LCLAT1: variants seen among roughly 807,000 people sequenced by gnomAD.
LCLAT1 encodes 1-AGP acyltransferase 8.
A neutral mutation model predicts 30.7 loss-of-function variants in LCLAT1; 11 were observed. The observed-to-expected ratio is 0.36, with a 90% CI of 0.23 to 0.59. The LOEUF (loss-of-function observed/expected upper bound fraction) is 0.59. Among genes scored for constraint, LCLAT1 ranks in the 20% least tolerant of loss-of-function variants. LCLAT1 has a pLI of 0.77. For synonymous variants in LCLAT1, 155 were observed against 151.3 expected, an observed-to-expected ratio of 1.02 and a Z score of -0.18; for missense variants, 402 against 458.6, an observed-to-expected ratio of 0.88 and a Z score of 1.13.
chr2:30,618,146 C>T (rs938753996), intron 5 of LCLAT1, among the ~76,000 whole-genome samples: 2 of 152,134 alleles, frequency 1.3e-5, no homozygotes, highest in Non-Finnish European at 2.9e-5. Context: ...TCCTCCAGTA[C>T]AATATTGTCT....
At chr2:30,532,599 T>C (rs1051728262) in intron 2 of LCLAT1, among the ~76,000 whole-genome samples, 2 of 152,168 alleles carry the variant, frequency 1.3e-5, no homozygotes, top group Non-Finnish European at 2.9e-5. Context: ...AGGCTTGTAG[T>C]ATTTTAGTAG....
chr2:30,507,399 T>G (rs1197437095), intron 1 of LCLAT1, among the ~76,000 whole-genome samples: 1 of 152,198 alleles, frequency 6.6e-6, no homozygotes, highest in African/African-American at 2.4e-5. Context: ...CATGGGGGTT[T>G]GTTAAACAGA....
At chr2:30,631,225 T>C (rs1668754708) in intron 5 of LCLAT1, among the ~76,000 whole-genome samples, 1 of 152,206 alleles carries the variant, frequency 6.6e-6, no homozygotes, top group Non-Finnish European at 1.5e-5. Flanking sequence ...GGTTTTCTTG[T>C]GGCTTTCTGT....
At chr2:30,512,447 T>A (rs1364063313) in intron 1 of LCLAT1, among the ~76,000 whole-genome samples, 1 of 152,084 alleles carries the variant, frequency 6.6e-6, no homozygotes, top group African/African-American at 2.4e-5. Flanking sequence ...TTCTCTTATT[T>A]CCAGTTGGGT....
At chr2:30,628,976 G>T (rs1422953770) in intron 5 of LCLAT1, among the ~76,000 whole-genome samples, 2 of 152,124 alleles carry the variant, frequency 1.3e-5, no homozygotes, top group African/African-American at 2.4e-5. Context: ...GCAACACAGT[G>T]TACAGAGGAC....
At chr2:30,499,193 T>G (rs1476427945) in intron 1 of LCLAT1, among the ~76,000 whole-genome samples, 1 of 152,146 alleles carries the variant, frequency 6.6e-6, no homozygotes, top group Non-Finnish European at 1.5e-5. Context: ...TGTTGTTGTT[T>G]TTGGAGACGG....
At position 30,608,834 on chromosome 2, in the gene LCLAT1, G is replaced by C. The variant is rs78737038; in HGVS notation, c.629-31283G>C. ...AAGTGACACATAGTTGTATGTCCAAGAGTAGAACTGCTGAGTCATAGGGTT... is the reference window on the plus strand; with the variant it reads ...AAGTGACACATAGTTGTATGTCCAACAGTAGAACTGCTGAGTCATAGGGTT... On this transcript the variant is annotated intron_variant, in intron 5 of 5. Transcript: ENST00000379509. Among the ~76,000 whole-genome samples, 699 of 152,250 alleles carry C rather than the reference G, an allele frequency of 4.6e-3. 7 individuals are homozygous for C. The highest frequency in any genetic ancestry group is 0.016 in the African/African-American group (664 of 41,562).
Position 30,534,329 on chromosome 2 carries a change from GGGCTCACTGCAAGCTCC to G in LCLAT1, c.364+1033_364+1049del, listed in dbSNP as rs1348972492. Among the ~76,000 whole-genome samples, 12 of 151,546 alleles carry G rather than the reference GGGCTCACTGCAAGCTCC, an allele frequency of 7.9e-5. 1 individual carries two copies. Among genetic ancestry groups the G allele is most frequent in the Admixed American group, 6.6e-4 (10 of 15,208 alleles). On this transcript the variant is annotated intron_variant, in intron 3 of 5. Transcript: ENST00000379509. ...AGGCTGGAGTGCAGTGGTGCAATCT[GGGCTCACTGCAAGCTCC>G]GGCTCACTGCAAGCTCCACCTCGCA...
At chr2:30,635,826 A>C (rs1668998017) in intron 5 of LCLAT1, among the ~76,000 whole-genome samples, 1 of 152,230 alleles carries the variant, frequency 6.6e-6, no homozygotes. Context: ...TCGAGAGAGC[A>C]TTATAATTAT....
chr2:30,489,566 A>T (rs891872514), intron 1 of LCLAT1, among the ~76,000 whole-genome samples: 1 of 152,100 alleles, frequency 6.6e-6, no homozygotes, highest in African/African-American at 2.4e-5. Context: ...GTTAGCCAGG[A>T]TGGTCTCGAT....
chr2:30,502,812 G>C (rs1684463945), intron 1 of LCLAT1, among the ~76,000 whole-genome samples: 1 of 152,116 alleles, frequency 6.6e-6, no homozygotes, highest in South Asian at 2.1e-4. Flanking sequence ...ACTATGAATA[G>C]TGCTGCTATT....
intron 5 of LCLAT1, among the ~76,000 whole-genome samples, chr2:30,575,186 T>C: frequency 6.6e-6 from 1 of 152,136 alleles, no homozygotes; most frequent in African/African-American, 2.4e-5. Flanking sequence ...CTCCAGGTTA[T>C]TGGAGTTCCC....
rs1668451357 is a variant in LCLAT1, at chr2:30,625,313, T to G, written c.629-14804T>G. Among the ~76,000 whole-genome samples, 4 of 152,078 alleles carry G rather than the reference T, an allele frequency of 2.6e-5. No homozygotes were observed. The South Asian group carries it at 8.3e-4, about 31-fold the overall frequency. On this transcript the variant is annotated intron_variant, in intron 5 of 5. Transcript: ENST00000379509. ...ACAAAAAGCTGGCTGTTTGCAAAGT[T>G]AAATAAAATTGGTAGACCATTAGTG...
intron 5 of LCLAT1, among the ~76,000 whole-genome samples, chr2:30,626,458 G>A (rs964089953): frequency 8.5e-5 from 13 of 152,102 alleles, no homozygotes; most frequent in African/African-American, 2.9e-4. Context: ...ATTTTCTCAC[G>A]TGTGTAGATT....
At chr2:30,624,523 G>A (rs1668413565) in intron 5 of LCLAT1, among the ~76,000 whole-genome samples, 1 of 152,122 alleles carries the variant, frequency 6.6e-6, no homozygotes, top group Non-Finnish European at 1.5e-5. Context: ...AAGACAGTGA[G>A]GGACATTATA....
At chr2:30,498,267 C>T (rs1172554164) in intron 1 of LCLAT1, among the ~76,000 whole-genome samples, 1 of 152,124 alleles carries the variant, frequency 6.6e-6, no homozygotes, top group Non-Finnish European at 1.5e-5. Context: ...GAAAGCACCA[C>T]TTAGAAGTAT....
At chr2:30,637,797 C>T (rs900031212) in intron 5 of LCLAT1, among the ~76,000 whole-genome samples, 1 of 152,076 alleles carries the variant, frequency 6.6e-6, no homozygotes, top group Non-Finnish European at 1.5e-5. Flanking sequence ...AGGCTGGTCT[C>T]GAACTCCTGA....
At chr2:30,552,670 T>A (rs1347468711) in intron 3 of LCLAT1, 1 of 293,070 alleles carries the variant, frequency 3.4e-6, no homozygotes, top group Non-Finnish European at 7.0e-6. Flanking sequence ...AAAAGATAGA[T>A]CTTCCTTAAC....
At chr2:30,471,281 C>T (rs1184192086) in intron 1 of LCLAT1, among the ~76,000 whole-genome samples, 2 of 151,966 alleles carry the variant, frequency 1.3e-5, no homozygotes, top group Non-Finnish European at 2.9e-5. Context: ...GTGATCTCAG[C>T]TCACTGCAAC....
Sources: gnomAD v4.1 joint callset for allele counts (sites outside exome capture counted in the v4.1 genomes callset) on GRCh38, gnomAD v4.1.1 for gene constraint, MANE v1.5 for transcripts, NCBI Gene and HGNC (gene_info 2026-07-23, HGNC 2026-07-21) for gene names.